TBC1D15: variants seen among roughly 807,000 people sequenced by gnomAD.
The protein encoded by TBC1D15 is TBC1 domain family member 15, also known as GAP for RAB7.
A neutral mutation model predicts 95.4 loss-of-function variants in TBC1D15; 39 were observed. That is an observed-to-expected ratio of 0.41 (90% CI 0.32 to 0.53). The LOEUF is 0.53. Ranked by LOEUF, TBC1D15 falls within the 20% of genes least tolerant of loss-of-function variation. The pLI is 0.29. For synonymous variants in TBC1D15, 258 were observed against 261.3 expected (o/e 0.99, Z 0.12); for missense variants, 733 against 794.3 (o/e 0.92, Z 0.93).
intron 11 of TBC1D15, among the ~76,000 whole-genome samples, chr12:71,908,176 G>GA (rs1042273856): frequency 6.6e-5 from 10 of 151,636 alleles, no homozygotes; most frequent in Non-Finnish European, 1.2e-4. Flanking sequence ...CTGTCTCAAG[G>GA]AAAAAAAAGA....
rs1897860514 is a variant in TBC1D15, at chr12:71,894,841, G to A, written c.813G>A (p.Lys271=). 3 of 1,612,924 alleles carry A rather than the reference G, an allele frequency of 1.9e-6. No individual in the cohort carries two copies. The highest frequency in any genetic ancestry group is 2.5e-6 in the Non-Finnish European group (3 of 1,179,188). The change falls in exon 7 of 17, where the codon AAG becomes AAA. Residue 271 remains lysine (K), a synonymous_variant. Coordinates refer to ENST00000485960, the MANE Select transcript of TBC1D15 (RefSeq NM_001146213.3). ...DFLSDAIPGL[K]INQQEEPGFE... ...TTAGTGATGCTATTCCAGGTCTAAA[G>A]ATAAATCAACAAGAAGAACCAGGAT...
intron 5 of TBC1D15, among the ~76,000 whole-genome samples, chr12:71,888,744 C>G (rs1414951995): frequency 6.6e-6 from 1 of 151,940 alleles, no homozygotes; most frequent in African/African-American, 2.4e-5. Flanking sequence ...CCTACTCTTT[C>G]TCAATCTCAG....
intron 12 of TBC1D15, among the ~76,000 whole-genome samples, chr12:71,916,751 C>T (rs1903801399): frequency 6.6e-6 from 1 of 152,168 alleles, no homozygotes; most frequent in East Asian, 1.9e-4. Flanking sequence ...AGTTTTGGTG[C>T]CTTCTGGCCC....
At position 71,839,805 on chromosome 12, in the gene TBC1D15, C is replaced by A; in HGVS notation, c.24C>A (p.Ser8Arg). The A allele has an allele frequency of 6.2e-7, 1 of 1,614,126 alleles. No homozygotes were observed. MAAAGVV[S>R]GKIIYEQEGV... ...ACATGGCGGCGGCGGGTGTTGTGAG[C>A]GGGAAGGTAGGTAACGGCCTCCAGG... The change falls in exon 1 of 17, where the codon AGC (serine) becomes AGA (arginine). Residue 8 changes from serine to arginine, a missense_variant. Coordinates refer to ENST00000485960, the MANE Select transcript of TBC1D15 (RefSeq NM_001146213.3).
At chr12:71,878,956 A>C (rs535858508) in intron 3 of TBC1D15, among the ~76,000 whole-genome samples, 1 of 152,136 alleles carries the variant, frequency 6.6e-6, no homozygotes, top group Non-Finnish European at 1.5e-5. Context: ...TATTTCTTAC[A>C]TCTTAATTTT....
chr12:71,869,390 G>A (rs918239396), intron 1 of TBC1D15, among the ~76,000 whole-genome samples: 5 of 152,170 alleles, frequency 3.3e-5, no homozygotes, highest in Non-Finnish European at 5.9e-5. Context: ...GGGCATGGTG[G>A]TGCATGCTTG....
At position 71,903,269 on chromosome 12, in the gene TBC1D15, C is replaced by T. The variant is rs147559003; in HGVS notation, c.1184-3753C>T. ...CTGCCAACCAACATATGAAAAAGTG[C>T]TCAATATTACTAGTCATTATGGCAA... On this transcript the variant is annotated intron_variant, in intron 10 of 16. Coordinates refer to ENST00000485960, the MANE Select transcript of TBC1D15 (RefSeq NM_001146213.3). 3.0e-3 allele frequency among the ~76,000 whole-genome samples: 449 copies of T among 152,184 alleles called. 4 individuals are homozygous for T. The highest frequency in any genetic ancestry group is 0.012 in the Admixed American group (182 of 15,266).
intron 3 of TBC1D15, among the ~76,000 whole-genome samples, chr12:71,874,621 ATTTTT>A (rs57095362): frequency 8.2e-6 from 1 of 122,312 alleles, no homozygotes; most frequent in Admixed American, 8.4e-5. Context: ...TATATTTACT[ATTTTT>A]TTTTTTTTTT....
At chr12:71,880,352 T>C in intron 3 of TBC1D15, 117 bp from the exon 4 acceptor site, 1 of 774,036 alleles carries the variant, frequency 1.3e-6, no homozygotes, top group East Asian at 2.9e-5. Flanking sequence ...TGGTGTTCAG[T>C]TTTCCCACCA....
chr12:71,883,116 GTTTC>G (rs1895542473), intron 4 of TBC1D15, among the ~76,000 whole-genome samples: 2 of 149,944 alleles, frequency 1.3e-5, no homozygotes, highest in South Asian at 2.1e-4. Context: ...AGTTTTTTGG[GTTTC>G]TTTCTTTTTT....
chr12:71,873,074 C>T (rs897463007), intron 3 of TBC1D15, 71 bp downstream of exon 3: 92 of 1,061,724 alleles, frequency 8.7e-5, no homozygotes, highest in Non-Finnish European at 1.2e-4. Context: ...ATATATAATT[C>T]ACATACCATA....
At chr12:71,895,652 A>G (rs1178857592) in intron 7 of TBC1D15, among the ~76,000 whole-genome samples, 1 of 152,144 alleles carries the variant, frequency 6.6e-6, no homozygotes, top group Non-Finnish European at 1.5e-5. Flanking sequence ...TGAATGTTCT[A>G]TACTTACATA....
intron 11 of TBC1D15, among the ~76,000 whole-genome samples, chr12:71,913,164 T>TTGGGTTAAGCCCA (rs1159323127): frequency 6.6e-6 from 1 of 152,058 alleles, no homozygotes; most frequent in Non-Finnish European, 1.5e-5. Context: ...AAAATATTGA[T>TTGGGTTAAGCCCA]TGGGTTAAGC....
chr12:71,914,871 G>C (rs1036181455), intron 12 of TBC1D15, among the ~76,000 whole-genome samples: 4 of 151,676 alleles, frequency 2.6e-5, no homozygotes, highest in African/African-American at 9.7e-5. Flanking sequence ...CCTTTTGCTT[G>C]CCTATTTTTC....
chr12:71,908,004 C>G (rs1901191187), intron 11 of TBC1D15: 1 of 152,260 alleles, frequency 6.6e-6, no homozygotes, highest in Non-Finnish European at 1.5e-5. Context: ...AACCCCATCT[C>G]TACTAAAAAT....
intron 14 of TBC1D15, among the ~76,000 whole-genome samples, chr12:71,920,386 AAAAATATTG>A (rs1310712861): frequency 1.3e-5 from 2 of 152,186 alleles, no homozygotes; most frequent in Non-Finnish European, 2.9e-5. Flanking sequence ...GATACTTCAG[AAAAATATTG>A]AAAATACATC....
intron 4 of TBC1D15, 140 bp from the exon 5 acceptor site, chr12:71,884,671 C>A: frequency 1.6e-6 from 1 of 634,328 alleles, no homozygotes; most frequent in Non-Finnish European, 2.7e-6. Context: ...ATATCTAATA[C>A]AGGTGGAAGC....
chr12:71,877,555 CCTTCCTTT>C (rs1470658202), intron 3 of TBC1D15, among the ~76,000 whole-genome samples: 2,385 of 107,820 alleles, frequency 0.022, 69 homozygotes, highest in South Asian at 0.048. Flanking sequence ...TTCCTTCCTT[CCTTCCTTT>C]CTTCTTTTTC....
chr12:71,868,337 C>T (rs992235277), intron 1 of TBC1D15, among the ~76,000 whole-genome samples: 2 of 151,634 alleles, frequency 1.3e-5, no homozygotes, highest in Non-Finnish European at 2.9e-5. Context: ...GCTCTGCATC[C>T]TGGGTTCACT....
Sources: allele counts gnomAD v4.1 joint callset (sites outside exome capture counted in the v4.1 genomes callset), GRCh38; gene constraint gnomAD v4.1.1; transcripts MANE v1.5; gene names NCBI Gene and HGNC (gene_info 2026-07-23, HGNC 2026-07-21).